Variants in GYS2 observed in about 807,000 individuals in gnomAD.
The protein encoded by GYS2 is glycogen [starch] synthase, liver.
A neutral mutation model predicts 85.6 loss-of-function variants in GYS2; 80 were observed. The observed-to-expected ratio is 0.93, with a 90% CI of 0.78 to 1.13. The LOEUF is 1.13. GYS2 is among the 50% of genes most tolerant of loss of function. GYS2 has a pLI of 0.00. For missense variants in GYS2, 881 were observed against 854.9 expected (o/e 1.03, Z -0.38); for synonymous variants, 328 against 300.7 (o/e 1.09, Z -0.94).
At chr12:21,565,076 T>TA (rs140073635) in intron 5 of GYS2, among the ~76,000 whole-genome samples, 1 of 151,682 alleles carries the variant, frequency 6.6e-6, no homozygotes, top group Admixed American at 6.6e-5. Flanking sequence ...CAAACAATTA[T>TA]AAAAAAAAGA....
chr12:21,601,116 G>A (rs866871098), intron 1 of GYS2, among the ~76,000 whole-genome samples: 1 of 152,114 alleles, frequency 6.6e-6, no homozygotes, highest in South Asian at 2.1e-4. Flanking sequence ...TTTCTCCAGA[G>A]TTTGTAATGT....
intron 1 of GYS2, among the ~76,000 whole-genome samples, chr12:21,591,698 C>G (rs893055132): frequency 1.3e-5 from 2 of 152,136 alleles, no homozygotes; most frequent in Non-Finnish European, 2.9e-5. Context: ...TATAGTCAAA[C>G]TGTCAAAAGC....
chr12:21,593,119 A>G (rs764749548), intron 1 of GYS2, among the ~76,000 whole-genome samples: 25 of 152,050 alleles, frequency 1.6e-4, no homozygotes, highest in Non-Finnish European at 3.7e-4. Flanking sequence ...AAGCCATGGG[A>G]TACAGCAAAA....
intron 3 of GYS2, among the ~76,000 whole-genome samples, chr12:21,574,747 AT>A (rs1452199323): frequency 2.6e-5 from 4 of 151,824 alleles, no homozygotes; most frequent in South Asian, 4.2e-4. Context: ...AACTACTTAA[AT>A]TTTTTTTAAT....
At chr12:21,538,200 G>C (rs1240630763) in intron 15 of GYS2, among the ~76,000 whole-genome samples, 1 of 152,128 alleles carries the variant, frequency 6.6e-6, no homozygotes, top group Non-Finnish European at 1.5e-5. Flanking sequence ...TCATAAACAT[G>C]AAAGTCAGAA....
intron 1 of GYS2, among the ~76,000 whole-genome samples, chr12:21,596,067 T>G (rs1374471565): frequency 6.6e-6 from 1 of 151,996 alleles, no homozygotes; most frequent in Non-Finnish European, 1.5e-5. Flanking sequence ...CTCAATAAAT[T>G]TACTAACAGA....
chr12:21,579,615 C>A (rs781041860), intron 2 of GYS2, among the ~76,000 whole-genome samples: 2 of 152,102 alleles, frequency 1.3e-5, no homozygotes, highest in Non-Finnish European at 2.9e-5. Flanking sequence ...TCCATCTTGG[C>A]CTCCCAAAGT....
chr12:21,585,203 T>A (rs916958193), intron 1 of GYS2, among the ~76,000 whole-genome samples: 6 of 152,190 alleles, frequency 3.9e-5, no homozygotes, highest in African/African-American at 1.4e-4. Context: ...TGGCATTATG[T>A]TCTGCTGGCT....
chr12:21,576,133 T>C, intron 2 of GYS2, 76 bp from the exon 3 acceptor site: 2 of 1,162,380 alleles, frequency 1.7e-6, no homozygotes, highest in Non-Finnish European at 2.6e-6. Flanking sequence ...ACTCTGAGGA[T>C]ATAAACTTTA....
chr12:21,579,554 T>C (rs1944485375), intron 2 of GYS2, among the ~76,000 whole-genome samples: 1 of 152,072 alleles, frequency 6.6e-6, no homozygotes, highest in South Asian at 2.1e-4. Flanking sequence ...GAGACAGGGG[T>C]TTCACCACGT....
chr12:21,542,052 C>CTTTTT (rs71053320), intron 13 of GYS2, among the ~76,000 whole-genome samples: 1 of 149,528 alleles, frequency 6.7e-6, no homozygotes, highest in Non-Finnish European at 1.5e-5. Flanking sequence ...TATAAATCTA[C>CTTTTT]TTTTTTTTTT....
chr12:21,588,917 A>T (rs550294928), intron 1 of GYS2, among the ~76,000 whole-genome samples: 7 of 152,256 alleles, frequency 4.6e-5, no homozygotes, highest in Non-Finnish European at 5.9e-5. Flanking sequence ...TGGGAGTCAC[A>T]TCTTAGCAAC....
In GYS2 at chr12:21,536,872, T is replaced by C. The variant is rs1195647699; in HGVS notation, c.*82A>G. ...CATTGTAATACTTAGAAGGAGAAAATGAAATTTGTGGCATTTTTATTTTAA... is the reference window on the plus strand; with the variant it reads ...CATTGTAATACTTAGAAGGAGAAAACGAAATTTGTGGCATTTTTATTTTAA... On this transcript the variant is annotated 3_prime_UTR_variant, in exon 16 of 16. Transcript: ENST00000261195. 5 of 955,280 alleles carry C rather than the reference T, an allele frequency of 5.2e-6. No individual in the cohort carries two copies. In the African/African-American group the frequency reaches 6.5e-5, roughly 12 times the overall value. The allele number at this position is 955,280 out of a possible 1,614,324, so 59.2% of individuals were successfully genotyped here.
intron 4 of GYS2, among the ~76,000 whole-genome samples, chr12:21,573,930 G>A (rs759362368): frequency 1.4e-4 from 21 of 152,128 alleles, no homozygotes; most frequent in Non-Finnish European, 3.1e-4. Context: ...CAGAAATCAG[G>A]CCTCTCACCT....
At chr12:21,599,491 A>G (rs1944731382) in intron 1 of GYS2, among the ~76,000 whole-genome samples, 2 of 152,180 alleles carry the variant, frequency 1.3e-5, no homozygotes, top group Admixed American at 6.6e-5. Flanking sequence ...TGGCAGCTCC[A>G]AATATTTTAT....
intron 8 of GYS2, among the ~76,000 whole-genome samples, chr12:21,559,980 A>G (rs538199714): frequency 5.9e-5 from 9 of 152,288 alleles, no homozygotes; most frequent in Non-Finnish European, 1.2e-4. Flanking sequence ...TAGAGAGCAG[A>G]GAGGGGGAGT....
At chr12:21,569,730 T>C (rs1944364432) in intron 4 of GYS2, among the ~76,000 whole-genome samples, 1 of 152,230 alleles carries the variant, frequency 6.6e-6, no homozygotes, top group African/African-American at 2.4e-5. Context: ...AAAAAGAATA[T>C]GTAAAGTTTC....
At chr12:21,547,334 C>T (rs2136852117) in intron 11 of GYS2, among the ~76,000 whole-genome samples, 1 of 152,266 alleles carries the variant, frequency 6.6e-6, no homozygotes, top group African/African-American at 2.4e-5. Context: ...TTTATAACAA[C>T]TTTATTCCTA....
chr12:21,588,050 G>A (rs1054985521), intron 1 of GYS2, among the ~76,000 whole-genome samples: 2 of 152,140 alleles, frequency 1.3e-5, no homozygotes, highest in Admixed American at 6.5e-5. Context: ...ATAATCTGTC[G>A]ATTACTTGAG....
Sources: gnomAD v4.1 joint callset for allele counts (sites outside exome capture counted in the v4.1 genomes callset) on GRCh38, gnomAD v4.1.1 for gene constraint, MANE v1.5 for transcripts, NCBI Gene and HGNC (gene_info 2026-07-23, HGNC 2026-07-21) for gene names.